The following IL1B variants were observed in gnomAD, a reference collection of about 807,000 sequenced individuals.
IL1B encodes interleukin-1 beta.
A neutral mutation model predicts 26.2 loss-of-function variants in IL1B; 11 were observed. The ratio of observed to expected loss-of-function variants is 0.42; its 90% CI spans 0.26 to 0.70. IL1B has a LOEUF of 0.70. Ranked by LOEUF, IL1B falls within the 30% of genes least tolerant of loss-of-function variation. The pLI is 0.25. For synonymous variants in IL1B, 118 were observed against 120.8 expected, an observed-to-expected ratio of 0.98 and a Z score of 0.15; for missense variants, 255 against 327.5, an observed-to-expected ratio of 0.78 and a Z score of 1.71.
chr2:112,833,365 G>T lies in IL1B; in HGVS notation c.301+9C>A, dbSNP rs1309145927. 6.2e-7 allele frequency: 1 copy of T among 1,613,464 alleles called. No individual in the cohort carries two copies. ...AGTGGAGATCTACTGCCTGCTCTTG[G>T]CTAACTACCTTCTTCAAAGATGAAG... On this transcript the variant is annotated intron_variant, in intron 4 of 6. Transcript: ENST00000263341.
intron 6 of IL1B, 55 bp downstream of exon 6, chr2:112,831,237 G>A: frequency 1.2e-6 from 2 of 1,608,040 alleles, no homozygotes; most frequent in Middle Eastern, 1.7e-4. Context: ...TGGTTGTCTG[G>A]GAATAAGTGG....
At chr2:112,832,174 G>T (rs3917360) in intron 5 of IL1B, among the ~76,000 whole-genome samples, 1 of 152,240 alleles carries the variant, frequency 6.6e-6, no homozygotes, top group Non-Finnish European at 1.5e-5. Context: ...CCGTTACAGC[G>T]GAGAGATATA....
Position 112,830,542 on chromosome 2 carries a change from T to A in IL1B, c.629A>T (p.Lys210Met). The change falls in exon 7 of 7, where the codon AAG becomes ATG. Residue 210 changes from lysine (K) to methionine (M), a missense_variant. Transcript: ENST00000263341. ...GTTGAAGACAAATCGCTTTTCCATCTTCTTCTTTGGGTAATTTTTGGGATC... is the reference window on the plus strand; with the variant it reads ...GTTGAAGACAAATCGCTTTTCCATCATCTTCTTTGGGTAATTTTTGGGATC... ...SVDPKNYPKK[K>M]MEKRFVFNKI... 1 of 1,612,156 alleles carries A rather than the reference T, an allele frequency of 6.2e-7. No homozygotes were observed. The highest frequency in any genetic ancestry group is 8.5e-7 in the Non-Finnish European group (1 of 1,179,342).
chr2:112,830,130 G>C lies in IL1B; in HGVS notation c.*231C>G. On this transcript the variant is annotated 3_prime_UTR_variant, in exon 7 of 7. Coordinates refer to ENST00000263341, the MANE Select transcript of IL1B (RefSeq NM_000576.3). ...TAAGTGAGTAGGAGAGGTGAGAGAG[G>C]CCTGGCTCAACAAAAGGGCTGGGGA... 1 of 542,320 alleles carries C rather than the reference G, an allele frequency of 1.8e-6. No homozygotes were observed. The highest frequency in any genetic ancestry group is 2.2e-5 in the South Asian group (1 of 45,414). 33.6% of individuals were successfully genotyped at this position (542,320 alleles called of 1,614,324 possible).
At chr2:112,830,667 G>C (rs1328728224) in intron 6 of IL1B, 94 bp from the exon 7 acceptor site, 1 of 884,248 alleles carries the variant, frequency 1.1e-6, no homozygotes, top group Non-Finnish European at 1.9e-6. Context: ...GGAAACTGAC[G>C]AGCAGGTCAC....
chr2:112,836,145 G>A, intron 2 of IL1B, 38 bp downstream of exon 2: 5 of 1,599,418 alleles, frequency 3.1e-6, no homozygotes, highest in Non-Finnish European at 4.3e-6. Context: ...TGAAAGAGGA[G>A]ACCTGCTCAT....
At chr2:112,831,529 A>T in intron 5 of IL1B, 107 bp from the exon 6 acceptor site, 2 of 1,279,634 alleles carry the variant, frequency 1.6e-6, no homozygotes, top group Non-Finnish European at 2.2e-6. Context: ...CTCTGTGGGA[A>T]CCCACAGTGA....
chr2:112,835,206 C>A (rs1682066844), intron 3 of IL1B: 1 of 362,198 alleles, frequency 2.8e-6, no homozygotes, highest in African/African-American at 2.1e-5. Context: ...TCAAGATCAT[C>A]TCTTGGTTTC....
intron 3 of IL1B, 62 bp from the exon 4 acceptor site, chr2:112,833,637 A>C (rs1682033492): frequency 2.8e-6 from 4 of 1,441,524 alleles, no homozygotes; most frequent in Admixed American, 1.7e-5. Flanking sequence ...ATGCTTTGAC[A>C]TCAGAGAGTA....
In IL1B at chr2:112,835,662, G is replaced by A. The variant is rs769919578; in HGVS notation, c.48-45C>T. ...ATGTCTCAATTATGTCTTCTAAACA[G>A]GTTTATTTTTCCTTCCCTGTGTACA... On this transcript the variant is annotated intron_variant, in intron 2 of 6. Coordinates refer to ENST00000263341, the MANE Select transcript of IL1B (RefSeq NM_000576.3). 2.6e-6 allele frequency: 4 copies of A among 1,531,596 alleles called. No homozygotes were observed. The African/African-American group carries it at 5.5e-5, about 21-fold the overall frequency. 94.9% of individuals were successfully genotyped at this position (1,531,596 alleles called of 1,614,324 possible). A position where few individuals can be genotyped will look rare whatever the true frequency, so the allele number is the denominator to read the frequency against.
In IL1B at chr2:112,831,325, C is replaced by T; in HGVS notation, c.564G>A (p.Val188=). 6.2e-7 allele frequency: 1 copy of T among 1,614,062 alleles called. No individual in the cohort carries two copies. Among genetic ancestry groups the T allele is most frequent in the Non-Finnish European group, 8.5e-7 (1 of 1,179,964 alleles). The change falls in exon 6 of 7, where the codon GTG becomes GTA. Residue 188 remains valine (V), a synonymous_variant. Transcript: ENST00000263341. ...GTAGAGTGGGCTTATCATCTTTCAA[C>T]ACGCAGGACAGGTACAGATTCTTTT... The part of the protein sequence containing the change: ...LKEKNLYLSC[V]LKDDKPTLQL...
In IL1B at chr2:112,833,352, CTG is replaced by C; in HGVS notation, c.301+20_301+21del. On this transcript the variant is annotated intron_variant, in intron 4 of 6. Transcript: ENST00000263341. ...CCAAGAGGACACAAGTGGAGATCTA[CTG>C]CCTGCTCTTGGCTAACTACCTTCTT... 3 of 1,608,406 alleles carry C rather than the reference CTG, an allele frequency of 1.9e-6. No homozygotes were observed. Among genetic ancestry groups the C allele is most frequent in the Non-Finnish European group, 2.6e-6 (3 of 1,175,048 alleles).
rs1303419536 is a variant in IL1B at position 112,830,100 on chromosome 2, G to A, written c.*261C>T. The A allele has an allele frequency of 2.1e-5, 9 of 430,912 alleles. No homozygotes were observed. The highest frequency in any genetic ancestry group is 2.1e-5 in the Non-Finnish European group (5 of 239,552). The allele number at this position is 430,912 out of a possible 1,614,324, so 26.7% of individuals were successfully genotyped here. A position where few individuals can be genotyped will look rare whatever the true frequency, so the allele number is the denominator to read the frequency against. On this transcript the variant is annotated 3_prime_UTR_variant, in exon 7 of 7. Coordinates refer to ENST00000263341, the MANE Select transcript of IL1B (RefSeq NM_000576.3). ...ATGTGGCCGTGGTTTCTGTCAGGCGGGCTTTAAGTGAGTAGGAGAGGTGAG... is the reference window on the plus strand; with the variant it reads ...ATGTGGCCGTGGTTTCTGTCAGGCGAGCTTTAAGTGAGTAGGAGAGGTGAG...
chr2:112,833,558 C>T lies in IL1B; in HGVS notation c.117G>A (p.Leu39=), dbSNP rs767111055. The change falls in exon 4 of 7, where the codon CTG becomes CTA. Residue 39 remains leucine (L), a synonymous_variant. Transcript: ENST00000263341. ...TGCCGCCATCCAGAGGGCAGAGGTC[C>T]AGGTCCTGGAAGGAGCACTGCGGAG... ...PKQMKCSFQD[L]DLCPLDGGIQ... 2 of 1,614,010 alleles carry T rather than the reference C, an allele frequency of 1.2e-6. No individual in the cohort carries two copies. Among genetic ancestry groups the T allele is most frequent in the Non-Finnish European group, 1.7e-6 (2 of 1,180,020 alleles).
At chr2:112,831,044 A>G in intron 6 of IL1B, 1 of 489,532 alleles carries the variant, frequency 2.0e-6, no homozygotes, top group African/African-American at 1.9e-5. Context: ...CCCTAACAAT[A>G]TATAATCTGT....
At chr2:112,832,885 C>T (rs752739470) in intron 4 of IL1B, 59 bp from the exon 5 acceptor site, 175 of 1,585,282 alleles carry the variant, frequency 1.1e-4, no homozygotes, top group Admixed American at 2.3e-4. Context: ...CCTCGTGAGG[C>T]GAGGCGGCAA....
chr2:112,835,462 TA>T, intron 3 of IL1B, 103 bp downstream of exon 3: 1 of 943,170 alleles, frequency 1.1e-6, no homozygotes, highest in Non-Finnish European at 1.7e-6. Context: ...AAAGTCTTTC[TA>T]AAACAAAATA....
chr2:112,835,726 T>C, intron 2 of IL1B, 109 bp from the exon 3 acceptor site: 1 of 935,404 alleles, frequency 1.1e-6, no homozygotes, highest in Non-Finnish European at 1.7e-6. Context: ...ACAGCCTGCC[T>C]CTCAAAGCTG....
chr2:112,833,288 G>A (rs2104935883), intron 4 of IL1B, 86 bp downstream of exon 4: 10 of 1,307,176 alleles, frequency 7.7e-6, no homozygotes, highest in Non-Finnish European at 1.1e-5. Flanking sequence ...AAAGGGCTTT[G>A]GCTCTGGGGG....
Sources: allele counts gnomAD v4.1 joint callset (sites outside exome capture counted in the v4.1 genomes callset), GRCh38; gene constraint gnomAD v4.1.1; transcripts MANE v1.5; gene names NCBI Gene and HGNC (gene_info 2026-07-23, HGNC 2026-07-21).